GLCE: variants seen among roughly 807,000 people sequenced by gnomAD.
GLCE encodes the protein D-glucuronyl C5-epimerase.
A neutral mutation model predicts 47.9 loss-of-function variants in GLCE; 19 were observed. The ratio of observed to expected loss-of-function variants is 0.40; its 90% CI spans 0.28 to 0.58. GLCE has a LOEUF of 0.58. Among genes scored for constraint, GLCE ranks in the 20% least tolerant of loss-of-function variants. The probability of loss-of-function intolerance (pLI) is 0.48; values close to 1 mark genes in which losing one functional copy is unlikely to be tolerated. For synonymous variants in GLCE, 245 were observed against 263.4 expected, an observed-to-expected ratio of 0.93 and a Z score of 0.68; for missense variants, 556 against 743.3, an observed-to-expected ratio of 0.75 and a Z score of 2.93.
chr15:69,234,179 T>C (rs768049388), intron 2 of GLCE, among the ~76,000 whole-genome samples: 1 of 152,110 alleles, frequency 6.6e-6, no homozygotes, highest in Non-Finnish European at 1.5e-5. Context: ...GGTTTCACCA[T>C]GTTGGCCAGA....
chr15:69,194,679 ATC>A (rs2051960357), intron 1 of GLCE, among the ~76,000 whole-genome samples: 1 of 152,174 alleles, frequency 6.6e-6, no homozygotes, highest in African/African-American at 2.4e-5. Flanking sequence ...GGTATTTGGT[ATC>A]TGTTTGATAG....
intron 1 of GLCE, among the ~76,000 whole-genome samples, chr15:69,171,837 T>G (rs555923796): frequency 1.3e-5 from 2 of 152,304 alleles, no homozygotes; most frequent in African/African-American, 4.8e-5. Flanking sequence ...AATTCTTGTC[T>G]CCTACTGAGG....
Position 69,268,473 on chromosome 15 carries a change from A to G in GLCE, c.1083A>G (p.Gly361=). The change falls in exon 5 of 5, where the codon GGA becomes GGG. Residue 361 remains glycine, a synonymous_variant. Coordinates refer to ENST00000261858, the MANE Select transcript of GLCE (RefSeq NM_015554.3). The stretch of plus-strand genomic sequence containing the variant: ...ACCTGGTCACTGACCTCAGGAAAGG[A>G]GTGGGTCTTTCAAACACAAAAGCTG... ...TRDLVTDLRK[G]VGLSNTKAVK... The G allele has an allele frequency of 1.9e-6, 3 of 1,614,178 alleles. No individual in the cohort carries two copies. Among genetic ancestry groups the G allele is most frequent in the Non-Finnish European group, 2.5e-6 (3 of 1,180,018 alleles).
At chr15:69,192,703 A>G (rs1425722725) in intron 1 of GLCE, among the ~76,000 whole-genome samples, 1 of 152,040 alleles carries the variant, frequency 6.6e-6, no homozygotes, top group African/African-American at 2.4e-5. Context: ...ACTTACAGAT[A>G]AGTTCGATCC....
At chr15:69,228,539 AAG>A (rs2052479102) in intron 2 of GLCE, among the ~76,000 whole-genome samples, 1 of 152,242 alleles carries the variant, frequency 6.6e-6, no homozygotes, top group Admixed American at 6.5e-5. Flanking sequence ...AAAAGAAGGC[AAG>A]AGAGAAGAGA....
chr15:69,180,950 A>G (rs2051740894), intron 1 of GLCE, among the ~76,000 whole-genome samples: 1 of 152,192 alleles, frequency 6.6e-6, no homozygotes, highest in Non-Finnish European at 1.5e-5. Context: ...CTGTTGCAGT[A>G]ATTCAGGTGA....
At chr15:69,180,912 G>A (rs1337233838) in intron 1 of GLCE, among the ~76,000 whole-genome samples, 2 of 152,130 alleles carry the variant, frequency 1.3e-5, no homozygotes, top group Non-Finnish European at 2.9e-5. Context: ...GGAGAACAAG[G>A]GCAGAAGCAG....
At chr15:69,165,375 G>C (rs188302438) in intron 1 of GLCE, among the ~76,000 whole-genome samples, 1 of 152,098 alleles carries the variant, frequency 6.6e-6, no homozygotes, top group African/African-American at 2.4e-5. Flanking sequence ...GCAGTTTACT[G>C]AATGAGCCAT....
At chr15:69,230,127 G>T (rs1013498317) in intron 2 of GLCE, among the ~76,000 whole-genome samples, 17 of 150,432 alleles carry the variant, frequency 1.1e-4, no homozygotes, top group Non-Finnish European at 1.5e-4. Context: ...AGAATCGCTT[G>T]AACCCAGAAG....
chr15:69,270,327 TAATTTAATTTTA>T lies in GLCE; in HGVS notation c.*1088_*1099del, dbSNP rs1023424089. 1 of 152,156 alleles carries T rather than the reference TAATTTAATTTTA, an allele frequency of 6.6e-6. No homozygotes were observed. The highest frequency in any genetic ancestry group is 1.5e-5 in the Non-Finnish European group (1 of 68,012). 9.4% of individuals were successfully genotyped at this position (152,156 alleles called of 1,614,324 possible). ...CTGTGCATCATTGGGTGTTTTTTTT[TAATTTAATTTTA>T]AATTATCCCAGCTATTAGATAGAAG... On this transcript the variant is annotated 3_prime_UTR_variant, in exon 5 of 5. Transcript: ENST00000261858.
intron 1 of GLCE, among the ~76,000 whole-genome samples, chr15:69,162,350 ATG>A (rs2051438202): frequency 2.0e-5 from 3 of 152,008 alleles, no homozygotes; most frequent in Admixed American, 2.0e-4. Context: ...GAGAAAGCCT[ATG>A]TGTTTGCCTG....
At chr15:69,225,068 C>G (rs951104462) in intron 2 of GLCE, among the ~76,000 whole-genome samples, 3 of 152,076 alleles carry the variant, frequency 2.0e-5, no homozygotes, top group Non-Finnish European at 4.4e-5. Context: ...GCTGGTGGTT[C>G]TATGGCTTAT....
intron 1 of GLCE, among the ~76,000 whole-genome samples, chr15:69,209,597 T>C (rs1951295296): frequency 6.6e-6 from 1 of 152,080 alleles, no homozygotes; most frequent in Non-Finnish European, 1.5e-5. Flanking sequence ...TTTGTTTGGG[T>C]CAGATGTATG....
intron 2 of GLCE, among the ~76,000 whole-genome samples, chr15:69,215,521 T>A (rs2052293773): frequency 6.7e-6 from 1 of 148,504 alleles, no homozygotes; most frequent in African/African-American, 2.5e-5. Context: ...TGAATAAAGC[T>A]ACTACATTTA....
chr15:69,198,460 C>T (rs143669230), intron 1 of GLCE, among the ~76,000 whole-genome samples: 1 of 152,130 alleles, frequency 6.6e-6, no homozygotes, highest in Non-Finnish European at 1.5e-5. Context: ...GAAGTCTCAT[C>T]AGAAATCTTG....
intron 1 of GLCE, among the ~76,000 whole-genome samples, chr15:69,201,974 A>G (rs1007434321): frequency 5.3e-5 from 8 of 151,968 alleles, no homozygotes; most frequent in Non-Finnish European, 1.2e-4. Context: ...GCTGGAGTGC[A>G]TTGGTATGAG....
chr15:69,164,529 C>T lies in GLCE; in HGVS notation c.-105+3772C>T, dbSNP rs995595593. Among the ~76,000 whole-genome samples, 8 of 149,300 alleles carry T rather than the reference C, an allele frequency of 5.4e-5. No homozygotes were observed. The South Asian group carries it at 8.4e-4, about 16-fold the overall frequency. ...TGTGTATGTTGTTATATACATATGCCATATATGTATATAATATGTATAATA... is the reference window on the plus strand; with the variant it reads ...TGTGTATGTTGTTATATACATATGCTATATATGTATATAATATGTATAATA... On this transcript the variant is annotated intron_variant, in intron 1 of 4. Transcript: ENST00000261858.
intron 2 of GLCE, 86 bp from the exon 3 acceptor site, chr15:69,255,708 A>T: frequency 2.5e-5 from 5 of 200,732 alleles, no homozygotes; most frequent in South Asian, 1.4e-4. Context: ...GTTCAACATT[A>T]AAAAAAAAAA....
At chr15:69,239,731 CT>C (rs1213636117) in intron 2 of GLCE, among the ~76,000 whole-genome samples, 2 of 151,888 alleles carry the variant, frequency 1.3e-5, no homozygotes, top group South Asian at 4.2e-4. Flanking sequence ...TCATATGTTA[CT>C]TTTTTTTAAA....
Sources: allele counts gnomAD v4.1 joint callset (sites outside exome capture counted in the v4.1 genomes callset), GRCh38; gene constraint gnomAD v4.1.1; transcripts MANE v1.5; gene names NCBI Gene and HGNC (gene_info 2026-07-23, HGNC 2026-07-21).